NRG1: variants seen among roughly 807,000 people sequenced by gnomAD.
NRG1 encodes pro-neuregulin-1, membrane-bound isoform.
NRG1 carries 18 observed loss-of-function variants against 63.8 expected under a neutral mutation model. The observed-to-expected ratio is 0.28, with a 90% confidence interval of 0.19 to 0.42. The LOEUF (loss-of-function observed/expected upper bound fraction) is 0.42, where lower values mean the gene tolerates loss of function less well. Among genes scored for constraint, NRG1 ranks in the 10% least tolerant of loss-of-function variants. NRG1 has a pLI of 1.00. For synonymous variants in NRG1, 302 were observed against 301.3 expected, an observed-to-expected ratio of 1.00 and a Z score of -0.02; for missense variants, 762 against 814.7, an observed-to-expected ratio of 0.94 and a Z score of 0.79.
At chr8:32,456,631 C>T (rs887896720) in intron 1 of NRG1, among the ~76,000 whole-genome samples, 11 of 152,136 alleles carry the variant, frequency 7.2e-5, no homozygotes, top group East Asian at 1.9e-4. Flanking sequence ...TGTAAGAATA[C>T]GGTATAGACT....
At chr8:32,036,520 A>G (rs1819083214) in intron 1 of NRG1, among the ~76,000 whole-genome samples, 1 of 152,082 alleles carries the variant, frequency 6.6e-6, no homozygotes, top group African/African-American at 2.4e-5. Context: ...ACCCTAAAGT[A>G]TATTTTCCAA....
At chr8:31,922,682 A>C (rs1402752546) in intron 1 of NRG1, among the ~76,000 whole-genome samples, 1 of 152,192 alleles carries the variant, frequency 6.6e-6, no homozygotes, top group Non-Finnish European at 1.5e-5. Context: ...AGGACCAGGT[A>C]GGAATGAAGA....
intron 1 of NRG1, among the ~76,000 whole-genome samples, chr8:32,592,717 C>CT (rs1842730694): frequency 6.6e-6 from 1 of 152,100 alleles, no homozygotes; most frequent in Non-Finnish European, 1.5e-5. Context: ...TATGCTCAGA[C>CT]TATATTGATA....
At chr8:32,187,186 A>G (rs901811017) in intron 1 of NRG1, among the ~76,000 whole-genome samples, 7 of 152,280 alleles carry the variant, frequency 4.6e-5, no homozygotes, top group African/African-American at 1.4e-4. Flanking sequence ...TTCTATTGTG[A>G]ATACCATCAT....
chr8:31,872,544 T>C (rs1829580259), intron 1 of NRG1, among the ~76,000 whole-genome samples: 1 of 152,260 alleles, frequency 6.6e-6, no homozygotes, highest in South Asian at 2.1e-4. Context: ...AAATGAGCTA[T>C]TTTTTTCTTC....
rs550654254 is a variant in NRG1 at position 31,789,855 on chromosome 8, A to C, written c.37+150424A>C. 1.5e-4 allele frequency among the ~76,000 whole-genome samples: 23 copies of C among 152,338 alleles called. No individual in the cohort carries two copies. The South Asian group carries it at 4.6e-3, about 30-fold the overall frequency. ...AAATGCCTCTGGTTTCTTTATTAGCAAATCAACAGAAAACACTTGATAACC... is the reference window on the plus strand; with the variant it reads ...AAATGCCTCTGGTTTCTTTATTAGCCAATCAACAGAAAACACTTGATAACC... On this transcript the variant is annotated intron_variant, in intron 1 of 10. Coordinates refer to the NRG1 transcript ENST00000519301.
At chr8:32,700,284 T>G (rs1294147660) in intron 5 of NRG1, among the ~76,000 whole-genome samples, 1 of 152,154 alleles carries the variant, frequency 6.6e-6, no homozygotes, top group Non-Finnish European at 1.5e-5. Flanking sequence ...ATAATGAAAT[T>G]TCAATATGTA....
At chr8:32,727,633 A>G (rs1404952927) in intron 5 of NRG1, among the ~76,000 whole-genome samples, 3 of 152,210 alleles carry the variant, frequency 2.0e-5, no homozygotes, top group African/African-American at 7.2e-5. Flanking sequence ...TGAGAAATGT[A>G]TTTTGCTTAA....
intron 1 of NRG1, among the ~76,000 whole-genome samples, chr8:31,872,756 C>T (rs189156751): frequency 3.3e-5 from 5 of 152,278 alleles, no homozygotes; most frequent in South Asian, 2.1e-4. Flanking sequence ...TATAGATCAT[C>T]CATTCAAAAC....
intron 1 of NRG1, among the ~76,000 whole-genome samples, chr8:32,204,591 A>C (rs1453210383): frequency 1.3e-5 from 2 of 152,230 alleles, no homozygotes; most frequent in South Asian, 2.1e-4. Context: ...ATAGTGAATT[A>C]TGAGAAGTAA....
At chr8:31,907,464 A>G (rs1175541792) in intron 1 of NRG1, among the ~76,000 whole-genome samples, 10 of 151,950 alleles carry the variant, frequency 6.6e-5, no homozygotes, top group Admixed American at 6.6e-4. Context: ...AGAGTTATAG[A>G]AAACCAGGTT....
chr8:31,876,061 AC>A, intron 1 of NRG1, among the ~76,000 whole-genome samples: 1 of 150,040 alleles, frequency 6.7e-6, no homozygotes, highest in East Asian at 1.9e-4. Flanking sequence ...AAACAAACAA[AC>A]AAACAATTGG....
At chr8:32,364,196 T>C (rs1157136854) in intron 1 of NRG1, among the ~76,000 whole-genome samples, 2 of 150,958 alleles carry the variant, frequency 1.3e-5, no homozygotes, top group Non-Finnish European at 2.9e-5. Context: ...AGATGATTGA[T>C]AGATGATAGA....
intron 5 of NRG1, among the ~76,000 whole-genome samples, chr8:32,726,414 T>C (rs1389643552): frequency 6.6e-6 from 1 of 152,114 alleles, no homozygotes; most frequent in East Asian, 1.9e-4. Context: ...TTAATGGGAA[T>C]ATTGAGCATC....
chr8:32,276,715 G>T (rs190635932), intron 1 of NRG1, among the ~76,000 whole-genome samples: 1 of 152,118 alleles, frequency 6.6e-6, no homozygotes, highest in Non-Finnish European at 1.5e-5. Flanking sequence ...TGTTGATGAG[G>T]CTGCTTTGGA....
chr8:31,746,680 C>A (rs2131431692), intron 1 of NRG1, among the ~76,000 whole-genome samples: 1 of 152,054 alleles, frequency 6.6e-6, no homozygotes, highest in East Asian at 1.9e-4. Context: ...GAAAATAAAT[C>A]AGTATATCAA....
At chr8:31,701,831 G>C (rs1249389295) in intron 1 of NRG1, among the ~76,000 whole-genome samples, 1 of 152,170 alleles carries the variant, frequency 6.6e-6, no homozygotes, top group African/African-American at 2.4e-5. Context: ...TTAGCAATGT[G>C]CATGCAAATC....
chr8:31,936,606 A>G (rs954753321), intron 1 of NRG1, among the ~76,000 whole-genome samples: 7 of 152,342 alleles, frequency 4.6e-5, no homozygotes, highest in Middle Eastern at 3.4e-3. Flanking sequence ...TTTCTTAAAT[A>G]CAAAACTCAC....
chr8:32,034,334 C>T lies in NRG1; in HGVS notation c.37+394903C>T, dbSNP rs4348448. ...CATGGTGGATAAGCTTTTTGATGTA[C>T]TGCTGGATTCAGTTTGCCAGTATTT... On this transcript the variant is annotated intron_variant, in intron 1 of 10. Transcript: ENST00000519301. Among the ~76,000 whole-genome samples, 1,153 of 152,276 alleles carry T rather than the reference C, an allele frequency of 7.6e-3. 17 individuals carry two copies. Among genetic ancestry groups the T allele is most frequent in the African/African-American group, 0.027 (1,102 of 41,546 alleles).
Sources: gnomAD v4.1 joint callset for allele counts (sites outside exome capture counted in the v4.1 genomes callset) on GRCh38, gnomAD v4.1.1 for gene constraint, MANE v1.5 for transcripts, NCBI Gene and HGNC (gene_info 2026-07-23, HGNC 2026-07-21) for gene names.